Variants in CCDC150 observed in about 807,000 individuals in gnomAD.
CCDC150 encodes coiled-coil domain-containing protein 150.
Under a neutral mutation model 156.5 loss-of-function variants are expected in CCDC150, and 151 were observed. The observed-to-expected ratio is 0.97, with a 90% CI of 0.85 to 1.10. The LOEUF (loss-of-function observed/expected upper bound fraction) is 1.10. CCDC150 is among the 50% of genes least tolerant of loss of function. The probability of loss-of-function intolerance (pLI) is 0.00; values close to 1 mark genes in which losing one functional copy is unlikely to be tolerated. For missense variants in CCDC150, 1,312 were observed against 1,268.1 expected (o/e 1.03, Z -0.53); for synonymous variants, 452 against 429.4 (o/e 1.05, Z -0.65).
chr2:196,651,153 C>T (rs1229406850), intron 2 of CCDC150, among the ~76,000 whole-genome samples: 1 of 152,200 alleles, frequency 6.6e-6, no homozygotes. Flanking sequence ...ATTTTTACTG[C>T]ATGGCTGAAC....
chr2:196,683,452 G>A (rs533000322), intron 13 of CCDC150, among the ~76,000 whole-genome samples: 1 of 151,948 alleles, frequency 6.6e-6, no homozygotes, highest in East Asian at 1.9e-4. Flanking sequence ...TATTCATAAG[G>A]GATACTGTTC....
chr2:196,648,801 T>G (rs926760021), intron 2 of CCDC150, among the ~76,000 whole-genome samples: 8 of 152,208 alleles, frequency 5.3e-5, no homozygotes, highest in Non-Finnish European at 1.5e-5. Context: ...TAATCCATTC[T>G]GAGTTGATTC....
intron 21 of CCDC150, among the ~76,000 whole-genome samples, chr2:196,724,252 G>A (rs1367409498): frequency 6.6e-6 from 1 of 152,134 alleles, no homozygotes; most frequent in African/African-American, 2.4e-5. Context: ...TAAGAGGGTA[G>A]ATCTCATGTT....
intron 17 of CCDC150, among the ~76,000 whole-genome samples, chr2:196,718,142 T>C (rs1697651744): frequency 6.6e-6 from 1 of 152,226 alleles, no homozygotes; most frequent in Admixed American, 6.5e-5. Flanking sequence ...CTAAATACAC[T>C]ATTTAGTATT....
At chr2:196,649,265 A>G (rs1245787500) in intron 2 of CCDC150, among the ~76,000 whole-genome samples, 1 of 152,104 alleles carries the variant, frequency 6.6e-6, no homozygotes, top group Non-Finnish European at 1.5e-5. Flanking sequence ...TAATCCATAA[A>G]CCTGGGATAT....
At chr2:196,718,346 A>T in intron 17 of CCDC150, 157 bp from the exon 18 acceptor site, 1 of 468,430 alleles carries the variant, frequency 2.1e-6, no homozygotes, top group Non-Finnish European at 3.6e-6. Context: ...TTTTTGTTGT[A>T]GTTTCCTTTA....
At chr2:196,706,877 G>T (rs1219773825) in intron 15 of CCDC150, among the ~76,000 whole-genome samples, 1 of 152,198 alleles carries the variant, frequency 6.6e-6, no homozygotes, top group Non-Finnish European at 1.5e-5. Flanking sequence ...GATTGTGGTG[G>T]ATAAGCTTTT....
chr2:196,719,284 G>A (rs1575955368), intron 18 of CCDC150: 1 of 407,310 alleles, frequency 2.5e-6, no homozygotes, highest in East Asian at 4.4e-5. Context: ...AAGCTGCAGA[G>A]TTCACCAACT....
At position 196,695,130 on chromosome 2, in the gene CCDC150, C is replaced by T. The variant is rs747964123; in HGVS notation, c.1594C>T (p.Leu532Phe). The T allele has an allele frequency of 1.9e-6, 3 of 1,609,842 alleles. No individual in the cohort carries two copies. The highest frequency in any genetic ancestry group is 2.6e-6 in the Non-Finnish European group (3 of 1,176,334). The change falls in exon 14 of 28, where the codon CTT becomes TTT. Residue 532 changes from leucine (L) to phenylalanine (F), a missense_variant. Leu to Phe is a conservative substitution (Grantham distance 22). Coordinates refer to ENST00000389175, the MANE Select transcript of CCDC150 (RefSeq NM_001080539.2). ...HLADQMASLE[L>F]QQVTSDYHGL... ...GGCAGATCAAATGGCTTCCCTAGAA[C>T]TTCAGCAAGTCACTTCTGATTACCA...
At chr2:196,643,979 A>G (rs1185725692) in intron 1 of CCDC150, among the ~76,000 whole-genome samples, 2 of 152,204 alleles carry the variant, frequency 1.3e-5, no homozygotes, top group Non-Finnish European at 2.9e-5. Context: ...CCTTGTGTTT[A>G]TCAGACACTG....
In CCDC150 at chr2:196,718,597, A is replaced by T; in HGVS notation, c.1961A>T (p.Asp654Val). The T allele has an allele frequency of 1.2e-6, 2 of 1,613,712 alleles. No homozygotes were observed. Among genetic ancestry groups the T allele is most frequent in the Non-Finnish European group, 8.5e-7 (1 of 1,179,730 alleles). The change falls in exon 18 of 28, where the codon GAC becomes GTC. Residue 654 changes from aspartate (D) to valine (V), a missense_variant. Transcript: ENST00000389175. ...AAAGAGAGTCAGAAGTTGAAAGAAGACCTCGAGGCTGTGGAGGACAGGGAA... is the reference window on the plus strand; with the variant it reads ...AAAGAGAGTCAGAAGTTGAAAGAAGTCCTCGAGGCTGTGGAGGACAGGGAA... Reference protein sequence around the residue: ...ALKESQKLKEDLEAVEDRENK... With the variant: ...ALKESQKLKEVLEAVEDRENK...
chr2:196,719,723 T>C, intron 19 of CCDC150, 57 bp downstream of exon 19: 1 of 1,258,550 alleles, frequency 7.9e-7, no homozygotes, highest in Non-Finnish European at 1.0e-6. Context: ...TAAGGAGCAG[T>C]GTCAAGTCAA....
At chr2:196,643,570 T>C (rs1180429031) in intron 1 of CCDC150, among the ~76,000 whole-genome samples, 2 of 152,240 alleles carry the variant, frequency 1.3e-5, no homozygotes, top group Non-Finnish European at 2.9e-5. Context: ...AACAATTACA[T>C]GAAAAAATTT....
chr2:196,649,007 G>A (rs975401693), intron 2 of CCDC150, among the ~76,000 whole-genome samples: 1 of 152,032 alleles, frequency 6.6e-6, no homozygotes, highest in Admixed American at 6.5e-5. Flanking sequence ...GTGTCTTTTT[G>A]TGCTGCTACT....
chr2:196,686,662 T>C (rs763615999), intron 13 of CCDC150, among the ~76,000 whole-genome samples: 7 of 152,056 alleles, frequency 4.6e-5, no homozygotes, highest in Non-Finnish European at 1.0e-4. Flanking sequence ...TCAGTGTACA[T>C]GTGCAGGTTT....
intron 21 of CCDC150, among the ~76,000 whole-genome samples, chr2:196,724,708 C>A (rs1698113201): frequency 6.6e-6 from 1 of 152,106 alleles, no homozygotes; most frequent in Non-Finnish European, 1.5e-5. Flanking sequence ...TTGATATAAT[C>A]ACAATAAATT....
intron 2 of CCDC150, among the ~76,000 whole-genome samples, chr2:196,650,024 A>G (rs1373104045): frequency 6.6e-6 from 1 of 152,148 alleles, no homozygotes; most frequent in Non-Finnish European, 1.5e-5. Flanking sequence ...GCTAGGACTT[A>G]CAACAGTACA....
intron 15 of CCDC150, among the ~76,000 whole-genome samples, chr2:196,701,826 G>A (rs768249970): frequency 2.0e-5 from 3 of 152,208 alleles, no homozygotes; most frequent in African/African-American, 4.8e-5. Flanking sequence ...GGATAGATAC[G>A]TGATAAGCAA....
chr2:196,689,041 G>A (rs972510278), intron 13 of CCDC150, among the ~76,000 whole-genome samples: 13 of 152,134 alleles, frequency 8.5e-5, no homozygotes, highest in Admixed American at 8.5e-4. Flanking sequence ...GTTTGTCAAA[G>A]ATCAGATAGT....
Sources: gnomAD v4.1 joint callset for allele counts (sites outside exome capture counted in the v4.1 genomes callset) on GRCh38, gnomAD v4.1.1 for gene constraint, MANE v1.5 for transcripts, NCBI Gene and HGNC (gene_info 2026-07-23, HGNC 2026-07-21) for gene names.